The following TAFA1 variants were observed in gnomAD, a reference collection of about 807,000 sequenced individuals.
TAFA1 encodes chemokine-like protein TAFA-1.
Under a neutral mutation model 18.5 loss-of-function variants are expected in TAFA1, and 4 were observed. That is an observed-to-expected ratio of 0.22 (90% CI 0.11 to 0.49). The LOEUF is 0.49. TAFA1 is among the 20% of genes least tolerant of loss of function. The pLI, the probability that TAFA1 is intolerant of heterozygous loss-of-function variation, is 0.98. For missense variants in TAFA1, 147 were observed against 169.0 expected (o/e 0.87, Z 0.72); for synonymous variants, 56 against 55.2 (o/e 1.01, Z -0.06).
chr3:68,448,448 T>G (rs2071509685), intron 3 of TAFA1, among the ~76,000 whole-genome samples: 1 of 152,192 alleles, frequency 6.6e-6, no homozygotes, highest in African/African-American at 2.4e-5. Context: ...TTTCAATGAC[T>G]CTATTAATAC....
chr3:68,513,030 A>G (rs1284505625), intron 3 of TAFA1, among the ~76,000 whole-genome samples: 6 of 152,166 alleles, frequency 3.9e-5, no homozygotes, highest in African/African-American at 1.4e-4. Flanking sequence ...CTCACTTTAC[A>G]GATGAGAATC....
chr3:68,235,599 A>T (rs1421045193), intron 2 of TAFA1, among the ~76,000 whole-genome samples: 1 of 151,892 alleles, frequency 6.6e-6, no homozygotes, highest in East Asian at 1.9e-4. Context: ...AGAGTAGCTC[A>T]TTTTTTTCTC....
At chr3:68,440,722 T>C (rs2071360349) in intron 3 of TAFA1, among the ~76,000 whole-genome samples, 2 of 152,288 alleles carry the variant, frequency 1.3e-5, no homozygotes, top group South Asian at 2.1e-4. Flanking sequence ...TTGACCTTAG[T>C]CACAGGGAAT....
At chr3:68,249,034 G>C (rs1004107493) in intron 2 of TAFA1, among the ~76,000 whole-genome samples, 1 of 152,040 alleles carries the variant, frequency 6.6e-6, no homozygotes, top group African/African-American at 2.4e-5. Context: ...TGCTGGCTCT[G>C]GGTCTCTTCT....
chr3:68,284,325 A>G (rs2067957537), intron 2 of TAFA1, among the ~76,000 whole-genome samples: 1 of 152,224 alleles, frequency 6.6e-6, no homozygotes, highest in South Asian at 2.1e-4. Context: ...TGGCCAAAAT[A>G]TAAAAGAATG....
intron 2 of TAFA1, among the ~76,000 whole-genome samples, chr3:68,264,680 A>AATGAAAGTCTTTATCT: frequency 6.6e-6 from 1 of 152,164 alleles, no homozygotes; most frequent in Non-Finnish European, 1.5e-5. Context: ...AGTCTTTATC[A>AATGAAAGTCTTTATCT]ATGAAAGTCT....
At chr3:68,417,473 A>G in intron 3 of TAFA1, 53 bp downstream of exon 3, 1 of 1,550,692 alleles carries the variant, frequency 6.4e-7, no homozygotes, top group Non-Finnish European at 8.8e-7. Flanking sequence ...CACTATACAT[A>G]ATATAATTTC....
intron 3 of TAFA1, among the ~76,000 whole-genome samples, chr3:68,531,352 G>T (rs2073186091): frequency 6.6e-6 from 1 of 150,852 alleles, no homozygotes; most frequent in South Asian, 2.1e-4. Flanking sequence ...TTTAGAGCAG[G>T]AATGAAAGCA....
At chr3:68,338,702 A>G (rs2069020230) in intron 2 of TAFA1, among the ~76,000 whole-genome samples, 1 of 152,238 alleles carries the variant, frequency 6.6e-6, no homozygotes, top group Non-Finnish European at 1.5e-5. Flanking sequence ...GATTTACATA[A>G]ACTATCATGA....
At chr3:68,079,896 T>C (rs957264999) in intron 2 of TAFA1, among the ~76,000 whole-genome samples, 1 of 152,076 alleles carries the variant, frequency 6.6e-6, no homozygotes, top group African/African-American at 2.4e-5. Context: ...TTGATCTGTC[T>C]AATGTTGACA....
chr3:68,009,506 A>T (rs1235844238), intron 2 of TAFA1, among the ~76,000 whole-genome samples: 1 of 152,200 alleles, frequency 6.6e-6, no homozygotes, highest in Non-Finnish European at 1.5e-5. Flanking sequence ...CAGCACTGAA[A>T]CCAATTTTGA....
chr3:68,363,047 T>G (rs574511073), intron 2 of TAFA1, among the ~76,000 whole-genome samples: 1 of 138,680 alleles, frequency 7.2e-6, no homozygotes, highest in Admixed American at 8.0e-5. Context: ...AATAAAACTT[T>G]TCTCTATTTT....
intron 3 of TAFA1, among the ~76,000 whole-genome samples, chr3:68,519,958 G>A (rs1466231285): frequency 1.3e-5 from 2 of 152,148 alleles, no homozygotes; most frequent in African/African-American, 4.8e-5. Flanking sequence ...TTGAAGAAGA[G>A]TTTCATAATG....
intron 3 of TAFA1, among the ~76,000 whole-genome samples, chr3:68,537,803 A>T (rs1323557290): frequency 6.6e-6 from 1 of 152,220 alleles, no homozygotes; most frequent in Non-Finnish European, 1.5e-5. Context: ...GCATAAAAAC[A>T]AAAAGATTGT....
intron 2 of TAFA1, among the ~76,000 whole-genome samples, chr3:68,187,338 T>C (rs1383295033): frequency 6.6e-6 from 1 of 151,974 alleles, no homozygotes; most frequent in Non-Finnish European, 1.5e-5. Flanking sequence ...AATAAAACAT[T>C]GTCAGACTTA....
At chr3:68,338,536 G>A (rs1281616923) in intron 2 of TAFA1, among the ~76,000 whole-genome samples, 1 of 152,018 alleles carries the variant, frequency 6.6e-6, no homozygotes, top group African/African-American at 2.4e-5. Context: ...TTATAATGAA[G>A]CATTTTGTGT....
At position 68,536,766 on chromosome 3, in the gene TAFA1, C is replaced by T. The variant is rs1350006104; in HGVS notation, c.260-1990C>T. Among the ~76,000 whole-genome samples the T allele has an allele frequency of 2.0e-5, 3 of 152,200 alleles. No individual in the cohort carries two copies. In the South Asian group the frequency reaches 6.2e-4, roughly 32 times the overall value. Reference sequence around the variant, plus strand: ...TTTAGTACATACACTAAATTCATTGCCAGCTTCCTATTGTGGTCATCCTTG... The same window carrying T: ...TTTAGTACATACACTAAATTCATTGTCAGCTTCCTATTGTGGTCATCCTTG... On this transcript the variant is annotated intron_variant, in intron 3 of 4. Transcript: ENST00000478136.
At chr3:68,342,031 G>A (rs907808462) in intron 2 of TAFA1, among the ~76,000 whole-genome samples, 1 of 152,170 alleles carries the variant, frequency 6.6e-6, no homozygotes, top group Non-Finnish European at 1.5e-5. Flanking sequence ...ATCATCAAAT[G>A]GTTACCATCT....
At chr3:68,329,626 A>G (rs1342115627) in intron 2 of TAFA1, among the ~76,000 whole-genome samples, 3 of 152,200 alleles carry the variant, frequency 2.0e-5, no homozygotes, top group Non-Finnish European at 4.4e-5. Flanking sequence ...TTTAATGCCC[A>G]CAGTCTCATA....
Sources: allele counts gnomAD v4.1 joint callset (sites outside exome capture counted in the v4.1 genomes callset), GRCh38; gene constraint gnomAD v4.1.1; transcripts MANE v1.5; gene names NCBI Gene and HGNC (gene_info 2026-07-23, HGNC 2026-07-21).